Variants in TBC1D17 observed in about 807,000 individuals in gnomAD.
TBC1D17 encodes the protein TBC1 domain family, member 17.
In TBC1D17, 69 loss-of-function variants were observed where a neutral mutation model predicts 78.8. The observed-to-expected ratio is 0.88, with a 90% CI of 0.72 to 1.07. The LOEUF (loss-of-function observed/expected upper bound fraction) is 1.07, where lower values mean the gene tolerates loss of function less well. Ranked by LOEUF, TBC1D17 falls within the 50% of genes least tolerant of loss-of-function variation. The pLI, the probability that TBC1D17 is intolerant of heterozygous loss-of-function variation, is 0.00. For synonymous variants in TBC1D17, 456 were observed against 358.3 expected (o/e 1.27, Z -3.08); for missense variants, 957 against 861.0 (o/e 1.11, Z -1.39).
At chr19:49,883,877 A>G (rs1009709746) in intron 10 of TBC1D17, 132 bp downstream of exon 10, 8 of 767,288 alleles carry the variant, frequency 1.0e-5, no homozygotes, top group Admixed American at 2.3e-5. Context: ...TCTTGGGGGA[A>G]AGCTGCATGG....
Position 49,888,526 on chromosome 19 carries a change from G to GCCCCC in TBC1D17, c.1853_1854insCCCCC (p.Thr620ArgfsTer44). Reference sequence around the variant, plus strand: ...CCCGCTGCCTCTGTCGCCCACCCGGGCCCCGCCCACCCCGCCGCCCTCCAC... The same window carrying GCCCCC: ...CCCGCTGCCTCTGTCGCCCACCCGGGCCCCCCCCCGCCCACCCCGCCGCCCTCCAC... On this transcript the variant is annotated frameshift_variant, in exon 17 of 17. Coordinates refer to ENST00000221543, the MANE Select transcript of TBC1D17 (RefSeq NM_024682.3). LOFTEE classifies it low-confidence loss of function (END_TRUNC). The GCCCCC allele has an allele frequency of 2.6e-6, 4 of 1,533,196 alleles. No homozygotes were observed. The highest frequency in any genetic ancestry group is 3.5e-6 in the Non-Finnish European group (4 of 1,141,142). The allele number at this position is 1,533,196 out of a possible 1,614,324, so 95.0% of individuals were successfully genotyped here.
At position 49,887,825 on chromosome 19, in the gene TBC1D17, G is replaced by A; in HGVS notation, c.1650G>A (p.Glu550=). 13 of 1,609,326 alleles carry A rather than the reference G, an allele frequency of 8.1e-6. No individual in the cohort carries two copies. Among genetic ancestry groups the A allele is most frequent in the Non-Finnish European group, 1.1e-5 (13 of 1,178,522 alleles). The change falls in exon 15 of 17, where the codon GAG becomes GAA. Residue 550 remains glutamate, a synonymous_variant. Coordinates refer to ENST00000221543, the MANE Select transcript of TBC1D17 (RefSeq NM_024682.3). ...TLMLSGFGSN[E]ILKHINELTM... ...TGCTGTCCGGCTTCGGCTCCAATGA[G>A]ATCCTCAAGGTGAGGCTCCGGCCCC...
Position 49,882,099 on chromosome 19 carries a change from A to T in TBC1D17, c.586A>T (p.Asn196Tyr). The change falls in exon 6 of 17, where the codon AAC becomes TAC. Residue 196 changes from asparagine (N) to tyrosine (Y), a missense_variant. By Grantham distance (143) the Asn-to-Tyr change is moderately radical. Coordinates refer to ENST00000221543, the MANE Select transcript of TBC1D17 (RefSeq NM_024682.3). ...VFPHDSSALS[N>Y]SFHHLQLFDQ... ...CCCCCACGACTCCTCTGCTCTCTCCAACTCCTTCCACCACCTGCAGCTCTT... is the reference window on the plus strand; with the variant it reads ...CCCCCACGACTCCTCTGCTCTCTCCTACTCCTTCCACCACCTGCAGCTCTT... 6.2e-7 allele frequency: 1 copy of T among 1,613,790 alleles called. No individual in the cohort carries two copies. The highest frequency in any genetic ancestry group is 8.5e-7 in the Non-Finnish European group (1 of 1,179,940).
rs201261535 is a variant in TBC1D17, at chr19:49,883,668, T to C, written c.1049T>C (p.Met350Thr). ...IRKKTDEYFR[M>T]KLQWKSVSPE... ...TCACTCAGGGATGAGTATTTCCGCA[T>C]GAAGCTGCAGTGGAAATCTGTGAGC... is the stretch of plus-strand genomic sequence containing the variant. The change falls in exon 10 of 17, where the codon ATG becomes ACG. Residue 350 changes from methionine (M) to threonine (T), a missense_variant. By Grantham distance (81) the Met-to-Thr change is moderately conservative. Transcript: ENST00000221543. 3 of 1,613,940 alleles carry C rather than the reference T, an allele frequency of 1.9e-6. No individual in the cohort carries two copies.
rs1371684401 is a variant in TBC1D17, at chr19:49,878,503, T to C, written c.126T>C (p.Asn42=). 1 of 1,613,810 alleles carries C rather than the reference T, an allele frequency of 6.2e-7. No homozygotes were observed. The highest frequency in any genetic ancestry group is 8.5e-7 in the Non-Finnish European group (1 of 1,179,814). ...CGCCTCCCTCCTTACCCTAGGACAA[T>C]GACGTCCTCCTGCACTGGGCTCCTG... is the stretch of plus-strand genomic sequence containing the variant. ...AGVIRVVEKD[N]DVLLHWAPVE... is the part of the protein sequence containing the mutation. Residue 42 remains asparagine (N), a synonymous_variant, in exon 3 of 17, where the codon AAT becomes AAC. Transcript: ENST00000221543.
Position 49,883,040 on chromosome 19 carries a change from C to T in TBC1D17, c.995C>T (p.Thr332Ile). The T allele has an allele frequency of 2.5e-6, 4 of 1,611,140 alleles. No homozygotes were observed. The highest frequency in any genetic ancestry group is 4.5e-5 in the East Asian group (2 of 44,820). ...FLLGYLSWEG[T>I]AEEHKAHIRK... Reference sequence around the variant, plus strand: ...CTAGGGTACCTCAGCTGGGAAGGCACAGCTGAGGAGCACAAGGCCCACATA... The same window carrying T: ...CTAGGGTACCTCAGCTGGGAAGGCATAGCTGAGGAGCACAAGGCCCACATA... Residue 332 changes from threonine (T) to isoleucine (I), a missense_variant, in exon 9 of 17, where the codon ACA becomes ATA. Physicochemically the swap from Thr to Ile is moderately conservative, Grantham distance 89. Transcript: ENST00000221543.
At chr19:49,878,475 C>A (rs2074979804) in intron 2 of TBC1D17, 23 bp from the exon 3 acceptor site, 1 of 1,609,674 alleles carries the variant, frequency 6.2e-7, no homozygotes, top group Non-Finnish European at 8.5e-7. Flanking sequence ...GCGCCTCTAA[C>A]CCCGCCTCCC....
At position 49,882,969 on chromosome 19, in the gene TBC1D17, C is replaced by G. The variant is rs781414187; in HGVS notation, c.928-4C>G. 9 of 1,607,430 alleles carry G rather than the reference C, an allele frequency of 5.6e-6. No individual in the cohort carries two copies. In the East Asian group the frequency reaches 1.6e-4, roughly 28 times the overall value. ...CTGAGCTGCCTGCCCTCCTGCACCC[C>G]CAGGGTCTGAGCCCCAGCCTGCGGC... On this transcript the variant is annotated splice_region_variant and splice_polypyrimidine_tract_variant and intron_variant, in intron 8 of 16. Transcript: ENST00000221543.
intron 3 of TBC1D17, 23 bp from the exon 4 acceptor site, chr19:49,880,256 G>A: frequency 6.2e-7 from 1 of 1,613,342 alleles, no homozygotes; most frequent in Non-Finnish European, 8.5e-7. Flanking sequence ...GCCCCTTACT[G>A]TCTGCTCCTT....
Position 49,880,377 on chromosome 19 carries a change from G to A in TBC1D17, c.294G>A (p.Gln98=), listed in dbSNP as rs1461020905. 20 of 1,613,658 alleles carry A rather than the reference G, an allele frequency of 1.2e-5. No individual in the cohort carries two copies. Among genetic ancestry groups the A allele is most frequent in the Non-Finnish European group, 1.5e-5 (18 of 1,179,968 alleles). Residue 98 remains glutamine (Q), a synonymous_variant, in exon 4 of 17, where the codon CAG becomes CAA. Coordinates refer to ENST00000221543, the MANE Select transcript of TBC1D17 (RefSeq NM_024682.3). ...DWAVISTVRP[Q]LCHSEPTRGA... is the part of the protein sequence containing the mutation. Reference sequence around the variant, plus strand: ...CTGTCATCAGCACTGTGCGGCCACAGCTCTGCCACTCAGAGCCCACGAGAG... The same window carrying A: ...CTGTCATCAGCACTGTGCGGCCACAACTCTGCCACTCAGAGCCCACGAGAG...
At chr19:49,887,294 A>C (rs763841040) in intron 13 of TBC1D17, 182 bp from the exon 14 acceptor site, 1 of 615,920 alleles carries the variant, frequency 1.6e-6, no homozygotes, top group South Asian at 1.9e-5. Context: ...CTTCCTCTGG[A>C]GAGTGGGAGG....
intron 10 of TBC1D17, among the ~76,000 whole-genome samples, 174 bp from the exon 11 acceptor site, chr19:49,884,079 C>T (rs532623088): frequency 1.3e-5 from 2 of 152,316 alleles, no homozygotes; most frequent in South Asian, 2.1e-4. Context: ...GGCCTGGCGC[C>T]TCACAGCAGG....
At position 49,882,705 on chromosome 19, in the gene TBC1D17, T is replaced by G. The variant is rs1014462263; in HGVS notation, c.799-59T>G. 6.9e-5 allele frequency: 101 copies of G among 1,466,716 alleles called. No homozygotes were observed. The Middle Eastern group carries it at 7.1e-4, about 10-fold the overall frequency. 90.9% of individuals were successfully genotyped at this position (1,466,716 alleles called of 1,614,324 possible). ...GCTCTCTGAGCTTGTGGACTGAGGCTGGGTTGGGTCCCCCCACCACCCCGC... is the reference window on the plus strand; with the variant it reads ...GCTCTCTGAGCTTGTGGACTGAGGCGGGGTTGGGTCCCCCCACCACCCCGC... On this transcript the variant is annotated intron_variant, in intron 7 of 16. Coordinates refer to ENST00000221543, the MANE Select transcript of TBC1D17 (RefSeq NM_024682.3).
chr19:49,878,111 GCCCCAGCCCTCGCTGGTT>G lies in TBC1D17; in HGVS notation c.22-27_22-10del, dbSNP rs1451085153. On this transcript the variant is annotated splice_polypyrimidine_tract_variant and intron_variant, in intron 1 of 16. Coordinates refer to ENST00000221543, the MANE Select transcript of TBC1D17 (RefSeq NM_024682.3). ...TCCCCAGGCTGGTCCCCTCGCTTGG[GCCCCAGCCCTCGCTGGTT>G]CCCCCCAACTCAGGTGGTGTTTGAG... is the stretch of plus-strand genomic sequence containing the variant. 1 of 1,541,782 alleles carries G rather than the reference GCCCCAGCCCTCGCTGGTT, an allele frequency of 6.5e-7. No individual in the cohort carries two copies. The highest frequency in any genetic ancestry group is 8.8e-7 in the Non-Finnish European group (1 of 1,138,096).
chr19:49,884,911 G>A (rs922377415), intron 13 of TBC1D17, among the ~76,000 whole-genome samples, 153 bp downstream of exon 13: 1 of 152,176 alleles, frequency 6.6e-6, no homozygotes, highest in Non-Finnish European at 1.5e-5. Context: ...CAGAATTGCT[G>A]TTTGAAGCAA....
rs144621206 is a variant in TBC1D17 at position 49,882,787 on chromosome 19, C to G, written c.822C>G (p.Thr274=). ...AGGTGGAGCTGGGGCCTCGGCCAAC[C>G]GTGGAGCGGGGCCCTCCAGTTACAG... ...ISCVELGPRP[T]VERGPPVTEE... The change falls in exon 8 of 17, where the codon ACC becomes ACG. Residue 274 remains threonine, a synonymous_variant. Coordinates refer to ENST00000221543, the MANE Select transcript of TBC1D17 (RefSeq NM_024682.3). 6.3e-7 allele frequency: 1 copy of G among 1,591,038 alleles called. No individual in the cohort carries two copies. The highest frequency in any genetic ancestry group is 1.4e-5 in the African/African-American group (1 of 73,946).
chr19:49,878,068 G>C (rs2074974212), intron 1 of TBC1D17, 75 bp from the exon 2 acceptor site: 1 of 1,267,672 alleles, frequency 7.9e-7, no homozygotes, highest in Admixed American at 2.2e-5. Flanking sequence ...GCTCCTCCCT[G>C]GGCCCGTCCC....
rs759075735 is a variant in TBC1D17, at chr19:49,878,186, A to G, written c.65A>G (p.Lys22Arg). 2.5e-6 allele frequency: 4 copies of G among 1,575,474 alleles called. No homozygotes were observed. The highest frequency in any genetic ancestry group is 3.4e-6 in the Non-Finnish European group (4 of 1,160,814). ...KGGVYLHTSA[K>R]KYQDRDSLIA... ...GGAGTGTACCTGCACACCAGCGCTAAGAAGTATCAGGACCGAGACTCTCTC... is the reference window on the plus strand; with the variant it reads ...GGAGTGTACCTGCACACCAGCGCTAGGAAGTATCAGGACCGAGACTCTCTC... The change falls in exon 2 of 17, where the codon AAG becomes AGG. Residue 22 changes from lysine (K) to arginine (R), a missense_variant. By Grantham distance (26) the Lys-to-Arg change is conservative. Coordinates refer to ENST00000221543, the MANE Select transcript of TBC1D17 (RefSeq NM_024682.3).
Position 49,882,909 on chromosome 19 carries a change from G to T in TBC1D17, c.927+17G>T, listed in dbSNP as rs375026571. 6.3e-7 allele frequency: 1 copy of T among 1,599,840 alleles called. No individual in the cohort carries two copies. The highest frequency in any genetic ancestry group is 2.2e-5 in the East Asian group (1 of 44,668). ...TTCTCGGGGGTGAGTGCCAGGACAG[G>T]TGGAAGAATGGGGCAGGGCCAGAAC... On this transcript the variant is annotated intron_variant, in intron 8 of 16. Coordinates refer to ENST00000221543, the MANE Select transcript of TBC1D17 (RefSeq NM_024682.3).
Sources: gnomAD v4.1 joint callset for allele counts (sites outside exome capture counted in the v4.1 genomes callset) on GRCh38, gnomAD v4.1.1 for gene constraint, MANE v1.5 for transcripts, NCBI Gene and HGNC (gene_info 2026-07-23, HGNC 2026-07-21) for gene names.